The following LRBA variants were observed in gnomAD, a reference collection of about 807,000 sequenced individuals.
LRBA encodes the protein lipopolysaccharide-responsive and beige-like anchor protein.
Under a neutral mutation model 330.0 loss-of-function variants are expected in LRBA, and 176 were observed. The ratio of observed to expected loss-of-function variants is 0.53; its 90% CI spans 0.47 to 0.60. The LOEUF is 0.60. Among genes scored for constraint, LRBA ranks in the 20% least tolerant of loss-of-function variants. The pLI is 0.00. For synonymous variants in LRBA, 1,230 were observed against 1,193.0 expected (o/e 1.03, Z -0.64); for missense variants, 3,259 against 3,444.8 (o/e 0.95, Z 1.35).
At chr4:150,908,623 A>T in intron 10 of LRBA, 37 bp downstream of exon 10, 1 of 1,557,450 alleles carries the variant, frequency 6.4e-7, no homozygotes, top group Non-Finnish European at 8.8e-7. Context: ...ATCAAAAATT[A>T]CCATTATAAA....
chr4:150,402,685 C>T (rs533813227), intron 47 of LRBA, among the ~76,000 whole-genome samples: 1 of 151,946 alleles, frequency 6.6e-6, no homozygotes, highest in Non-Finnish European at 1.5e-5. Flanking sequence ...ATAATACTCA[C>T]ACAACTATTC....
intron 30 of LRBA, among the ~76,000 whole-genome samples, chr4:150,825,017 A>AGGG (rs1746016296): frequency 6.6e-6 from 1 of 151,940 alleles, no homozygotes; most frequent in African/African-American, 2.4e-5. Context: ...CTCCCACCTC[A>AGGG]GCCCACAAAA....
intron 40 of LRBA, among the ~76,000 whole-genome samples, chr4:150,505,680 C>G (rs1195425835): frequency 6.6e-6 from 1 of 152,028 alleles, no homozygotes; most frequent in African/African-American, 2.4e-5. Flanking sequence ...ACTAGAAAAG[C>G]AAGAGCAAAC....
intron 38 of LRBA, 103 bp downstream of exon 38, chr4:150,598,904 T>A: frequency 7.5e-7 from 1 of 1,327,710 alleles, no homozygotes; most frequent in Admixed American, 2.2e-5. Context: ...CCATAAAATG[T>A]GGTGTTGGAC....
chr4:150,382,450 C>T (rs1288431950), intron 47 of LRBA, among the ~76,000 whole-genome samples: 1 of 151,884 alleles, frequency 6.6e-6, no homozygotes, highest in Non-Finnish European at 1.5e-5. Flanking sequence ...ACGGTGAAAC[C>T]CCATCCTACT....
intron 44 of LRBA, among the ~76,000 whole-genome samples, chr4:150,446,875 A>G (rs1042056720): frequency 2.6e-5 from 4 of 152,196 alleles, no homozygotes; most frequent in Non-Finnish European, 5.9e-5. Flanking sequence ...CTTACATTTT[A>G]CCCTTTTTAA....
At chr4:150,763,289 C>T (rs1320686273) in intron 34 of LRBA, among the ~76,000 whole-genome samples, 1 of 151,942 alleles carries the variant, frequency 6.6e-6, no homozygotes, top group Non-Finnish European at 1.5e-5. Context: ...GCATATCGTG[C>T]TACATCTGCA....
intron 17 of LRBA, among the ~76,000 whole-genome samples, chr4:150,883,546 A>C (rs542835345): frequency 7.9e-5 from 12 of 152,290 alleles, no homozygotes; most frequent in Admixed American, 5.2e-4. Flanking sequence ...GTCTAGTTTG[A>C]ATTTTCTGTC....
rs199852241 is a variant in LRBA, at chr4:150,940,081, AAAAC to A, written c.217-11020_217-11017del. On this transcript the variant is annotated intron_variant, in intron 2 of 56. Transcript: ENST00000651943. ...TACGTAGATAATAAACTTAAAAAAA[AAAAC>A]AAACAAAGGAATGACTCACATCAAA... Among the ~76,000 whole-genome samples the A allele has an allele frequency of 7.3e-3, 1,109 of 152,286 alleles. 9 individuals carry two copies. Among genetic ancestry groups the A allele is most frequent in the Middle Eastern group, 0.014 (4 of 294 alleles).
chr4:150,720,977 A>C, intron 36 of LRBA: 2 of 498,988 alleles, frequency 4.0e-6, no homozygotes, highest in South Asian at 3.1e-5. Context: ...CAAGCAAGGC[A>C]GTCATGGCAC....
At chr4:150,922,417 T>TATATA (rs1561010323) in intron 4 of LRBA, among the ~76,000 whole-genome samples, 3 of 147,806 alleles carry the variant, frequency 2.0e-5, no homozygotes, top group South Asian at 2.1e-4. Context: ...TATATATATA[T>TATATA]GATGGAATAC....
intron 40 of LRBA, among the ~76,000 whole-genome samples, chr4:150,498,106 C>T (rs907614984): frequency 2.0e-5 from 3 of 152,178 alleles, no homozygotes; most frequent in African/African-American, 7.2e-5. Context: ...ATACATGAAG[C>T]ACTGACTGGC....
intron 37 of LRBA, among the ~76,000 whole-genome samples, chr4:150,622,147 A>G (rs1776356962): frequency 6.6e-6 from 1 of 152,230 alleles, no homozygotes; most frequent in African/African-American, 2.4e-5. Context: ...TAAAAACTCA[A>G]TACCAAGTTT....
At chr4:150,618,982 A>G (rs778825015) in intron 37 of LRBA, among the ~76,000 whole-genome samples, 13 of 152,022 alleles carry the variant, frequency 8.6e-5, no homozygotes, top group Non-Finnish European at 1.5e-4. Flanking sequence ...GAGAACACCA[A>G]GAATAACCTC....
chr4:150,620,475 C>A (rs2126625210), intron 37 of LRBA, among the ~76,000 whole-genome samples: 1 of 152,192 alleles, frequency 6.6e-6, no homozygotes, highest in South Asian at 2.1e-4. Flanking sequence ...GAAGGGAAAT[C>A]AGTCATTACA....
At chr4:150,658,780 G>A (rs1285260734) in intron 37 of LRBA, among the ~76,000 whole-genome samples, 1 of 18,402 alleles carries the variant, frequency 5.4e-5, no homozygotes, top group African/African-American at 9.5e-5. Context: ...TCTCCCCACG[G>A]TCTCCCTCTC....
chr4:150,502,975 C>T (rs1435219210), intron 40 of LRBA, among the ~76,000 whole-genome samples: 1 of 152,214 alleles, frequency 6.6e-6, no homozygotes, highest in African/African-American at 2.4e-5. Context: ...AGTCTGAGAT[C>T]AAACTGCAAG....
At chr4:150,450,736 A>T (rs1753245551) in intron 44 of LRBA, among the ~76,000 whole-genome samples, 2 of 152,174 alleles carry the variant, frequency 1.3e-5, no homozygotes. Context: ...ACGTAAAATA[A>T]AAACTAACAG....
intron 44 of LRBA, among the ~76,000 whole-genome samples, chr4:150,446,863 A>C (rs1229007489): frequency 6.6e-6 from 1 of 152,158 alleles, no homozygotes; most frequent in African/African-American, 2.4e-5. Context: ...CAACATAGAG[A>C]ACTTACATTT....
Sources: allele counts gnomAD v4.1 joint callset (sites outside exome capture counted in the v4.1 genomes callset), GRCh38; gene constraint gnomAD v4.1.1; transcripts MANE v1.5; gene names NCBI Gene and HGNC (gene_info 2026-07-23, HGNC 2026-07-21).